Variants in DENR observed in about 807,000 individuals in gnomAD.
The protein encoded by DENR is density regulated re-initiation and release factor, also known as density-regulated protein.
DENR carries 6 observed loss-of-function variants against 30.6 expected under a neutral mutation model. The ratio of observed to expected loss-of-function variants is 0.20; its 90% CI spans 0.11 to 0.39. The LOEUF (loss-of-function observed/expected upper bound fraction) is 0.39, where lower values mean the gene tolerates loss of function less well. DENR is among the 10% of genes least tolerant of loss of function. The pLI is 1.00. For missense variants in DENR, 141 were observed against 230.9 expected (o/e 0.61, Z 2.52); for synonymous variants, 78 against 72.1 (o/e 1.08, Z -0.41).
chr12:122,761,902 G>C (rs1300082984), intron 2 of DENR, among the ~76,000 whole-genome samples: 1 of 152,148 alleles, frequency 6.6e-6, no homozygotes, highest in South Asian at 2.1e-4. Context: ...CCACTGAAAT[G>C]GTTATGGTAA....
intron 2 of DENR, among the ~76,000 whole-genome samples, chr12:122,754,444 C>T (rs932071869): frequency 3.9e-5 from 6 of 152,056 alleles, no homozygotes; most frequent in Non-Finnish European, 8.8e-5. Flanking sequence ...TGTATGTATT[C>T]GCATCTTGGA....
rs1440186711 is a variant in DENR at position 122,770,631 on chromosome 12, T to G, written c.*1553T>G. ...GTATTTGATGAATTTAAACTTTAAG[T>G]CAGGTGCTGCAAATTGGAAAGAAGA... On this transcript the variant is annotated 3_prime_UTR_variant, in exon 8 of 8. Coordinates refer to ENST00000280557, the MANE Select transcript of DENR (RefSeq NM_003677.5). 2.5e-6 allele frequency: 1 copy of G among 398,406 alleles called. No homozygotes were observed. Among genetic ancestry groups the G allele is most frequent in the Admixed American group, 4.4e-5 (1 of 22,692 alleles). 24.7% of individuals were successfully genotyped at this position (398,406 alleles called of 1,614,324 possible). A position where few individuals can be genotyped will look rare whatever the true frequency, so the allele number is the denominator to read the frequency against.
In DENR at chr12:122,769,356, C is replaced by T. The variant is rs1276595545; in HGVS notation, c.*278C>T. The T allele has an allele frequency of 1.8e-5, 18 of 986,954 alleles. No homozygotes were observed. Among genetic ancestry groups the T allele is most frequent in the Non-Finnish European group, 2.0e-5 (17 of 834,560 alleles). The allele number at this position is 986,954 out of a possible 1,614,324, so 61.1% of individuals were successfully genotyped here. A position where few individuals can be genotyped will look rare whatever the true frequency, so the allele number is the denominator to read the frequency against. On this transcript the variant is annotated 3_prime_UTR_variant, in exon 8 of 8. Coordinates refer to ENST00000280557, the MANE Select transcript of DENR (RefSeq NM_003677.5). ...TTCTACAGTAAAACTGTAGACTGTC[C>T]TCGTCCTTGGCATTTTCACTGTTCT...
At chr12:122,753,922 CTG>C in intron 2 of DENR, 115 bp downstream of exon 2, 4 of 898,820 alleles carry the variant, frequency 4.5e-6, no homozygotes, top group Non-Finnish European at 7.2e-6. Context: ...TGAGTTTGTA[CTG>C]GGGGAGAGGA....
intron 1 of DENR, among the ~76,000 whole-genome samples, chr12:122,753,162 C>G (rs1314878141): frequency 2.0e-5 from 3 of 152,058 alleles, no homozygotes; most frequent in Non-Finnish European, 2.9e-5. Context: ...CGTTTTCTCT[C>G]CTCATCCTTC....
At chr12:122,760,544 A>C (rs1219933591) in intron 2 of DENR, among the ~76,000 whole-genome samples, 1 of 151,158 alleles carries the variant, frequency 6.6e-6, no homozygotes, top group East Asian at 1.9e-4. Flanking sequence ...ATCCTAGCTA[A>C]TACTGTGAAA....
intron 2 of DENR, among the ~76,000 whole-genome samples, chr12:122,755,061 T>C (rs1414494792): frequency 6.6e-6 from 1 of 152,224 alleles, no homozygotes; most frequent in East Asian, 1.9e-4. Context: ...TTTCTCCAAA[T>C]GGAAGAATCC....
chr12:122,753,410 A>G (rs766011248), intron 1 of DENR, among the ~76,000 whole-genome samples: 37 of 151,784 alleles, frequency 2.4e-4, no homozygotes, highest in Non-Finnish European at 4.4e-4. Flanking sequence ...GTGGGTACTC[A>G]CCCCATCTTT....
chr12:122,756,896 CTT>C (rs1055883616), intron 2 of DENR, among the ~76,000 whole-genome samples: 50 of 152,212 alleles, frequency 3.3e-4, no homozygotes, highest in African/African-American at 1.2e-3. Flanking sequence ...TATAATAAGA[CTT>C]TAGACAAAAT....
At chr12:122,761,221 G>A (rs540350121) in intron 2 of DENR, among the ~76,000 whole-genome samples, 83 of 151,856 alleles carry the variant, frequency 5.5e-4, no homozygotes, top group Middle Eastern at 3.4e-3. Flanking sequence ...AGACCAGTCT[G>A]GCCAACATGG....
intron 2 of DENR, among the ~76,000 whole-genome samples, chr12:122,758,303 C>G (rs1270410603): frequency 6.6e-6 from 1 of 152,188 alleles, no homozygotes; most frequent in Non-Finnish European, 1.5e-5. Flanking sequence ...AACTCCTGAC[C>G]TTGTGATCCA....
chr12:122,767,887 A>G (rs80322782), intron 6 of DENR, among the ~76,000 whole-genome samples: 1,654 of 152,266 alleles, frequency 0.011, 24 homozygotes, highest in African/African-American at 0.038. Context: ...AAACCAGCCA[A>G]TGCTGCTCCT....
chr12:122,754,205 GCTGT>G (rs1425888662), intron 2 of DENR: 2 of 234,974 alleles, frequency 8.5e-6, no homozygotes, highest in Admixed American at 4.9e-5. Context: ...AAGCTTGATG[GCTGT>G]CTGTGAAGAA....
chr12:122,760,800 T>C (rs746210642), intron 2 of DENR, among the ~76,000 whole-genome samples: 9 of 152,126 alleles, frequency 5.9e-5, no homozygotes, highest in Non-Finnish European at 1.2e-4. Context: ...ATTGGAAGCT[T>C]TTCCAGTTCT....
intron 4 of DENR, among the ~76,000 whole-genome samples, chr12:122,763,432 G>A (rs900836135): frequency 4.0e-5 from 6 of 151,390 alleles, no homozygotes; most frequent in Admixed American, 6.6e-5. Flanking sequence ...TTGGCTGGGC[G>A]CAGTGGTTCA....
rs200039750 is a variant in DENR, at chr12:122,768,837, C to T, written c.468C>T (p.Ala156=). ...RFFAQKFSCG[A]SVTGEDEIII... is the part of the protein sequence containing the mutation. ...TTGCTCAAAAATTCTCCTGTGGTGC[C>T]TCAGTAACAGGGGAGGATGAAATTA... The change falls in exon 7 of 8, where the codon GCC becomes GCT. Residue 156 remains alanine (A), a synonymous_variant. Transcript: ENST00000280557. 125 of 1,607,998 alleles carry T rather than the reference C, an allele frequency of 7.8e-5. 1 individual carries two copies. The East Asian group carries it at 2.7e-3, about 34-fold the overall frequency.
chr12:122,757,173 C>T (rs931400360), intron 2 of DENR, among the ~76,000 whole-genome samples: 2 of 152,228 alleles, frequency 1.3e-5, no homozygotes, highest in African/African-American at 4.8e-5. Flanking sequence ...TTCCCCCTCC[C>T]TCCCTTTCCC....
chr12:122,764,163 C>G (rs541886530), intron 4 of DENR, among the ~76,000 whole-genome samples: 1 of 152,258 alleles, frequency 6.6e-6, no homozygotes, highest in African/African-American at 2.4e-5. Flanking sequence ...GATATGAAGT[C>G]AGAGTAGACC....
Position 122,768,837 on chromosome 12 carries a change from C to G in DENR, c.468C>G (p.Ala156=), listed in dbSNP as rs200039750. The G allele has an allele frequency of 1.8e-5, 29 of 1,607,884 alleles. No homozygotes were observed. Among genetic ancestry groups the G allele is most frequent in the Non-Finnish European group, 2.2e-5 (26 of 1,177,220 alleles). The change falls in exon 7 of 8, where the codon GCC becomes GCG. Residue 156 remains alanine (A), a synonymous_variant. Coordinates refer to ENST00000280557, the MANE Select transcript of DENR (RefSeq NM_003677.5). ...RFFAQKFSCG[A]SVTGEDEIII... is the part of the protein sequence containing the mutation. Reference sequence around the variant, plus strand: ...TTGCTCAAAAATTCTCCTGTGGTGCCTCAGTAACAGGGGAGGATGAAATTA... The same window carrying G: ...TTGCTCAAAAATTCTCCTGTGGTGCGTCAGTAACAGGGGAGGATGAAATTA...
Sources: allele counts gnomAD v4.1 joint callset (sites outside exome capture counted in the v4.1 genomes callset), GRCh38; gene constraint gnomAD v4.1.1; transcripts MANE v1.5; gene names NCBI Gene and HGNC (gene_info 2026-07-23, HGNC 2026-07-21).